Variants in SORCS2 observed in about 807,000 individuals in gnomAD.
The protein encoded by SORCS2 is VPS10 domain-containing receptor SorCS2.
Under a neutral mutation model 141.6 loss-of-function variants are expected in SORCS2, and 100 were observed. The ratio of observed to expected loss-of-function variants is 0.71; its 90% CI spans 0.60 to 0.83. The LOEUF is 0.83. SORCS2 is among the 40% of genes least tolerant of loss of function. The probability of loss-of-function intolerance (pLI) is 0.00; values close to 1 mark genes in which losing one functional copy is unlikely to be tolerated. For missense variants in SORCS2, 1,646 were observed against 1,560.2 expected, an observed-to-expected ratio of 1.05 and a Z score of -0.93; for synonymous variants, 789 against 676.9, an observed-to-expected ratio of 1.17 and a Z score of -2.57.
At chr4:7,472,345 T>G (rs1730026790) in intron 2 of SORCS2, among the ~76,000 whole-genome samples, 2 of 152,092 alleles carry the variant, frequency 1.3e-5, no homozygotes, top group Non-Finnish European at 2.9e-5. Flanking sequence ...GGGAGTTTAC[T>G]GAGTGGGAAA....
At chr4:7,563,351 A>G (rs1170330608) in intron 3 of SORCS2, among the ~76,000 whole-genome samples, 1 of 152,148 alleles carries the variant, frequency 6.6e-6, no homozygotes, top group Admixed American at 6.5e-5. Context: ...TTCATCCTTC[A>G]TTTCCATTTT....
At chr4:7,456,525 C>A (rs73086393) in intron 2 of SORCS2, among the ~76,000 whole-genome samples, 1 of 151,988 alleles carries the variant, frequency 6.6e-6, no homozygotes, top group East Asian at 1.9e-4. Context: ...ATGGTCCGGG[C>A]ACTGTTGTCC....
At chr4:7,214,868 T>A (rs1728233865) in intron 1 of SORCS2, among the ~76,000 whole-genome samples, 1 of 152,224 alleles carries the variant, frequency 6.6e-6, no homozygotes, top group Admixed American at 6.5e-5. Context: ...GTAGGTCTGT[T>A]CTGCTCATGG....
At chr4:7,665,305 G>A (rs531211424) in intron 7 of SORCS2, among the ~76,000 whole-genome samples, 1 of 152,304 alleles carries the variant, frequency 6.6e-6, no homozygotes, top group South Asian at 2.1e-4. Flanking sequence ...AGGGCAGGCA[G>A]TGGGCATCCC....
At chr4:7,379,285 G>T (rs1055496345) in intron 1 of SORCS2, among the ~76,000 whole-genome samples, 1 of 152,150 alleles carries the variant, frequency 6.6e-6, no homozygotes. Context: ...CTGAGCCTTG[G>T]GAGGGCAGGA....
chr4:7,626,479 G>A (rs757158455), intron 3 of SORCS2, among the ~76,000 whole-genome samples: 6 of 152,148 alleles, frequency 3.9e-5, no homozygotes, highest in Non-Finnish European at 7.3e-5. Flanking sequence ...CTATCGTCTC[G>A]TCACCCAGAA....
intron 7 of SORCS2, among the ~76,000 whole-genome samples, chr4:7,665,819 T>C (rs1327739528): frequency 3.9e-5 from 6 of 152,152 alleles, no homozygotes; most frequent in African/African-American, 1.2e-4. Flanking sequence ...CCATGTTGAG[T>C]GGTTTCTAAA....
intron 2 of SORCS2, among the ~76,000 whole-genome samples, chr4:7,529,874 A>G (rs1051638709): frequency 6.6e-6 from 1 of 152,134 alleles, no homozygotes; most frequent in African/African-American, 2.4e-5. Context: ...CTCCCTGGGG[A>G]GACCAGGGGC....
At chr4:7,305,568 C>T (rs563110666) in intron 1 of SORCS2, among the ~76,000 whole-genome samples, 3 of 152,250 alleles carry the variant, frequency 2.0e-5, no homozygotes, top group South Asian at 2.1e-4. Flanking sequence ...TCAGGGAGAA[C>T]GCTCATGGCT....
At chr4:7,504,225 C>T (rs1259598705) in intron 2 of SORCS2, among the ~76,000 whole-genome samples, 2 of 152,230 alleles carry the variant, frequency 1.3e-5, no homozygotes, top group Admixed American at 6.5e-5. Context: ...TTCTCCTGTG[C>T]GTACAATTGA....
At chr4:7,716,400 T>C (rs575888659) in intron 17 of SORCS2, among the ~76,000 whole-genome samples, 1 of 152,256 alleles carries the variant, frequency 6.6e-6, no homozygotes, top group African/African-American at 2.4e-5. Context: ...CATCTGTTCA[T>C]TTCTCCATCC....
intron 2 of SORCS2, among the ~76,000 whole-genome samples, chr4:7,399,984 C>A (rs1394560309): frequency 2.0e-5 from 3 of 152,110 alleles, no homozygotes; most frequent in Non-Finnish European, 4.4e-5. Flanking sequence ...GAGGGCAACC[C>A]AAGACTTTGC....
chr4:7,640,636 T>TCAG (rs1207467252), intron 4 of SORCS2, among the ~76,000 whole-genome samples: 2 of 151,882 alleles, frequency 1.3e-5, no homozygotes, highest in African/African-American at 2.4e-5. Flanking sequence ...TCTGGAGACC[T>TCAG]CAGCAATCCC....
chr4:7,483,406 C>G (rs757962357), intron 2 of SORCS2, among the ~76,000 whole-genome samples: 13 of 151,790 alleles, frequency 8.6e-5, no homozygotes, highest in Non-Finnish European at 1.8e-4. Context: ...AGCTGCCAGC[C>G]AAAGAACGCA....
intron 8 of SORCS2, among the ~76,000 whole-genome samples, chr4:7,674,805 GAAAAA>G (rs113543508): frequency 5.3e-5 from 6 of 112,642 alleles, no homozygotes; most frequent in African/African-American, 1.7e-4. Context: ...TTATTGTACA[GAAAAA>G]AAAAAAAAAA....
At chr4:7,540,401 G>A (rs796846934) in intron 3 of SORCS2, among the ~76,000 whole-genome samples, 12 of 152,274 alleles carry the variant, frequency 7.9e-5, no homozygotes, top group African/African-American at 2.9e-4. Flanking sequence ...AACCCTGTGA[G>A]TCATGTACTA....
rs141998884 is a variant in SORCS2 at position 7,647,865 on chromosome 4, G to C, written c.814-6269G>C. ...CATGGGAAGCCTGCATGAGAGCTCC[G>C]GGTGTGTTCATCTCGACTCTGAAGC... is the stretch of plus-strand genomic sequence containing the variant. On this transcript the variant is annotated intron_variant, in intron 4 of 26. Transcript: ENST00000507866. 7.0e-3 allele frequency among the ~76,000 whole-genome samples: 1,063 copies of C among 152,342 alleles called. 7 individuals are homozygous for C. The highest frequency in any genetic ancestry group is 0.024 in the Middle Eastern group (7 of 294).
Position 7,589,197 on chromosome 4 carries a change from A to G in SORCS2, c.649-49131A>G, listed in dbSNP as rs370485979. Among the ~76,000 whole-genome samples the G allele has an allele frequency of 4.6e-5, 7 of 152,302 alleles. 1 individual carries two copies. Among genetic ancestry groups the G allele is most frequent in the African/African-American group, 1.2e-4 (5 of 41,574 alleles). ...GCCTGCAAAGTCTATCTGGGAGGCC[A>G]GTTAGGAGATCCTTGTGGCAACCCA... On this transcript the variant is annotated intron_variant, in intron 3 of 26. Coordinates refer to ENST00000507866, the MANE Select transcript of SORCS2 (RefSeq NM_020777.3).
Position 7,252,289 on chromosome 4 carries a change from T to TGAG in SORCS2, c.480+59165_480+59167dup, listed in dbSNP as rs555250562. Among the ~76,000 whole-genome samples the TGAG allele has an allele frequency of 3.1e-3, 473 of 151,446 alleles. 3 individuals carry two copies. The highest frequency in any genetic ancestry group is 0.011 in the African/African-American group (459 of 41,204). On this transcript the variant is annotated intron_variant, in intron 1 of 26. Transcript: ENST00000507866. ...CTCTGGGGGAGGAAACTGCAGGAAC[T>TGAG]GAGGGGCCAGTGTGGCTGGGAGGGA...
Sources: gnomAD v4.1 joint callset for allele counts (sites outside exome capture counted in the v4.1 genomes callset) on GRCh38, gnomAD v4.1.1 for gene constraint, MANE v1.5 for transcripts, NCBI Gene and HGNC (gene_info 2026-07-23, HGNC 2026-07-21) for gene names.